The following PRIM2 variants were observed in gnomAD, a reference collection of about 807,000 sequenced individuals.
PRIM2 encodes the protein DNA primase subunit 2, also known as DNA primase large subunit.
Under a neutral mutation model 67.3 loss-of-function variants are expected in PRIM2, and 39 were observed. The ratio of observed to expected loss-of-function variants is 0.58; its 90% CI spans 0.45 to 0.76. The LOEUF (loss-of-function observed/expected upper bound fraction) is 0.76, where lower values mean the gene tolerates loss of function less well. PRIM2 is among the 30% of genes least tolerant of loss of function. The pLI, the probability that PRIM2 is intolerant of heterozygous loss-of-function variation, is 0.00. For missense variants in PRIM2, 398 were observed against 598.7 expected, an observed-to-expected ratio of 0.66 and a Z score of 3.50; for synonymous variants, 143 against 198.7, an observed-to-expected ratio of 0.72 and a Z score of 2.36.
At chr6:57,452,973 G>A (rs1466070686) in intron 7 of PRIM2, among the ~76,000 whole-genome samples, 23 of 152,306 alleles carry the variant, frequency 1.5e-4, no homozygotes, top group African/African-American at 5.5e-4. Context: ...TACAGTGTAA[G>A]GAAGGGATCC....
the PRIM2 span, among the ~76,000 whole-genome samples, chr6:57,301,425 T>G: frequency 6.6e-6 from 1 of 152,140 alleles, no homozygotes; most frequent in African/African-American, 2.4e-5. Context: ...AGGCGGAGGT[T>G]GCGGTGAGCC....
At chr6:57,292,542 A>T in the PRIM2 span, among the ~76,000 whole-genome samples, 1 of 152,210 alleles carries the variant, frequency 6.6e-6, no homozygotes, top group Non-Finnish European at 1.5e-5. Context: ...TAGCCAAGAC[A>T]ATCCCAAGCC....
chr6:57,300,875 A>C, the PRIM2 span, among the ~76,000 whole-genome samples: 3 of 152,166 alleles, frequency 2.0e-5, no homozygotes, highest in African/African-American at 7.2e-5. Context: ...AGGGATAGGG[A>C]AAGTTGCCAG....
chr6:57,257,667 A>G, the PRIM2 span, among the ~76,000 whole-genome samples: 1 of 152,168 alleles, frequency 6.6e-6, no homozygotes, highest in African/African-American at 2.4e-5. Context: ...TTGGGGCAAG[A>G]CTGAAACCTA....
At chr6:57,606,503 A>G in intron 12 of PRIM2, 46 bp downstream of exon 12, 4 of 1,463,246 alleles carry the variant, frequency 2.7e-6, no homozygotes, top group South Asian at 2.4e-5. Context: ...GAGGCCTTAG[A>G]TAGATCTCTC....
chr6:57,237,109 A>G, the PRIM2 span, among the ~76,000 whole-genome samples: 6 of 151,664 alleles, frequency 4.0e-5, no homozygotes, highest in African/African-American at 1.2e-4. Flanking sequence ...TCGCCATTCT[A>G]ACTGGTGTGA....
intron 10 of PRIM2, among the ~76,000 whole-genome samples, chr6:57,550,808 G>A (rs2127474875): frequency 6.6e-6 from 1 of 152,256 alleles, no homozygotes; most frequent in South Asian, 2.1e-4. Context: ...AAAGATGCCA[G>A]TTTAAGATAT....
intron 7 of PRIM2, among the ~76,000 whole-genome samples, chr6:57,391,844 A>G (rs6941927): frequency 0.63 from 95,154 of 151,840 alleles, 30,143 homozygotes; most frequent in African/African-American, 0.72. Context: ...GGCTATTCGG[A>G]CTCTTTTTTA....
Position 57,318,451 on chromosome 6 carries a change from G to A in PRIM2, c.6G>A (p.Glu2=). 1.2e-6 allele frequency: 2 copies of A among 1,611,694 alleles called. No individual in the cohort carries two copies. The highest frequency in any genetic ancestry group is 1.7e-6 in the Non-Finnish European group (2 of 1,179,000). Reference sequence around the variant, plus strand: ...TTCCTTCTAAGGTGACCAAGATGGAGTTTTCTGGAAGAAAGTGGAGGAAGC... The same window carrying A: ...TTCCTTCTAAGGTGACCAAGATGGAATTTTCTGGAAGAAAGTGGAGGAAGC... M[E]FSGRKWRKLR... The change falls in exon 2 of 14, where the codon GAG becomes GAA. Residue 2 remains glutamate, a synonymous_variant. Coordinates refer to ENST00000615550, the MANE Select transcript of PRIM2 (RefSeq NM_000947.5).
At chr6:57,416,981 T>A (rs1257126255) in intron 7 of PRIM2, among the ~76,000 whole-genome samples, 1 of 151,598 alleles carries the variant, frequency 6.6e-6, no homozygotes, top group Non-Finnish European at 1.5e-5. Context: ...TCTTTTTTTT[T>A]TTTGAGACAG....
At chr6:57,405,306 A>G (rs1487021414) in intron 7 of PRIM2, among the ~76,000 whole-genome samples, 3 of 152,212 alleles carry the variant, frequency 2.0e-5, no homozygotes, top group Admixed American at 6.5e-5. Context: ...GCATATGTAA[A>G]TGTTACAGGG....
chr6:57,507,178 C>T (rs1774267668), intron 7 of PRIM2, among the ~76,000 whole-genome samples: 1 of 152,088 alleles, frequency 6.6e-6, no homozygotes, highest in South Asian at 2.1e-4. Context: ...TAGTGACATA[C>T]CCTATGTCCT....
the PRIM2 span, among the ~76,000 whole-genome samples, chr6:57,230,039 T>C: frequency 6.6e-6 from 1 of 152,210 alleles, no homozygotes; most frequent in Non-Finnish European, 1.5e-5. Flanking sequence ...CTTCAGAATG[T>C]TCAAAGATGT....
intron 3 of PRIM2, among the ~76,000 whole-genome samples, chr6:57,322,823 C>T (rs556394820): frequency 6.6e-6 from 1 of 152,242 alleles, no homozygotes; most frequent in African/African-American, 2.4e-5. Flanking sequence ...AGGATTCTGC[C>T]TGGTAGCCTT....
chr6:57,299,742 T>C, the PRIM2 span, among the ~76,000 whole-genome samples: 1 of 152,318 alleles, frequency 6.6e-6, no homozygotes, highest in South Asian at 2.1e-4. Context: ...TGAGAATCTA[T>C]TTACCACTTC....
chr6:57,537,683 G>C, intron 10 of PRIM2, 58 bp downstream of exon 10: 1 of 1,128,174 alleles, frequency 8.9e-7, no homozygotes, highest in Non-Finnish European at 1.2e-6. Flanking sequence ...GTCTGAAAAT[G>C]AAACGGTCTA....
At chr6:57,254,519 A>G in the PRIM2 span, among the ~76,000 whole-genome samples, 1 of 152,210 alleles carries the variant, frequency 6.6e-6, no homozygotes, top group Non-Finnish European at 1.5e-5. Context: ...GCCAAGTTAA[A>G]TATTAAAAGC....
the PRIM2 span, among the ~76,000 whole-genome samples, chr6:57,267,743 TA>T: frequency 2.7e-5 from 4 of 149,594 alleles, no homozygotes; most frequent in South Asian, 4.4e-4. Flanking sequence ...ACCCCATCTC[TA>T]CAAAAAAATT....
the PRIM2 span, among the ~76,000 whole-genome samples, chr6:57,240,760 G>A: frequency 7.9e-5 from 12 of 152,106 alleles, no homozygotes; most frequent in Admixed American, 1.3e-4. Flanking sequence ...TACAGTATAC[G>A]GTAAATTAAT....
Sources: allele counts gnomAD v4.1 joint callset (sites outside exome capture counted in the v4.1 genomes callset), GRCh38; gene constraint gnomAD v4.1.1; transcripts MANE v1.5; gene names NCBI Gene and HGNC (gene_info 2026-07-23, HGNC 2026-07-21).